The following ASIC2 variants were observed in gnomAD, a reference collection of about 807,000 sequenced individuals.
ASIC2 encodes acid sensing ion channel subunit 2, also known as acid-sensing ion channel 2.
A neutral mutation model predicts 57.3 loss-of-function variants in ASIC2; 25 were observed. That is an observed-to-expected ratio of 0.44 (90% CI 0.32 to 0.61). The LOEUF (loss-of-function observed/expected upper bound fraction) is 0.61. Ranked by LOEUF, ASIC2 falls within the 20% of genes least tolerant of loss-of-function variation. The pLI is 0.06. For synonymous variants in ASIC2, 319 were observed against 307.5 expected, an observed-to-expected ratio of 1.04 and a Z score of -0.39; for missense variants, 641 against 738.1, an observed-to-expected ratio of 0.87 and a Z score of 1.52.
chr17:33,476,402 G>A (rs1347728441), intron 1 of ASIC2, among the ~76,000 whole-genome samples: 3 of 151,450 alleles, frequency 2.0e-5, no homozygotes, highest in Non-Finnish European at 4.4e-5. Context: ...CTTCCTTATC[G>A]ATGGACATTT....
chr17:33,621,267 C>A (rs923769464), intron 1 of ASIC2, among the ~76,000 whole-genome samples: 1 of 152,146 alleles, frequency 6.6e-6, no homozygotes, highest in African/African-American at 2.4e-5. Context: ...GAGTCCAGAC[C>A]TTGTCTATTT....
chr17:34,114,157 A>G (rs1206983217), intron 1 of ASIC2, among the ~76,000 whole-genome samples: 1 of 152,194 alleles, frequency 6.6e-6, no homozygotes, highest in Admixed American at 6.5e-5. Context: ...TCTTAGATCA[A>G]GAAGAAATTG....
chr17:33,984,405 C>T (rs1389662311), intron 1 of ASIC2: 1 of 152,208 alleles, frequency 6.6e-6, no homozygotes, highest in Non-Finnish European at 1.5e-5. Flanking sequence ...ACACATATGC[C>T]CAGCAATTTC....
intron 1 of ASIC2, among the ~76,000 whole-genome samples, chr17:33,388,087 C>CAAAGG (rs1909754096): frequency 1.3e-5 from 1 of 74,526 alleles, no homozygotes; most frequent in African/African-American, 4.8e-5. Flanking sequence ...CTCAAAAAAA[C>CAAAGG]AAAGCAAAGC....
At chr17:34,011,814 C>T (rs1354564858) in intron 1 of ASIC2, among the ~76,000 whole-genome samples, 5 of 152,102 alleles carry the variant, frequency 3.3e-5, no homozygotes, top group Admixed American at 6.5e-5. Flanking sequence ...CACCACTCAC[C>T]CCACTCCCCG....
chr17:33,913,077 G>A (rs34912153), intron 1 of ASIC2, among the ~76,000 whole-genome samples: 12,048 of 148,330 alleles, frequency 0.081, 555 homozygotes, highest in Admixed American at 0.13. Flanking sequence ...TATCATTTTT[G>A]TAATAAATCC....
chr17:33,946,311 GTT>G (rs1567764783), intron 1 of ASIC2, among the ~76,000 whole-genome samples: 1 of 152,040 alleles, frequency 6.6e-6, no homozygotes, highest in Non-Finnish European at 1.5e-5. Context: ...GGGACAGGTT[GTT>G]GGGTCTGGGG....
chr17:33,874,741 G>T (rs1914509576), intron 1 of ASIC2, among the ~76,000 whole-genome samples: 3 of 152,196 alleles, frequency 2.0e-5, no homozygotes, highest in African/African-American at 7.2e-5. Context: ...GCTGGCCAGT[G>T]CTTCTCAATA....
chr17:33,562,191 A>C (rs1169920290), intron 1 of ASIC2, among the ~76,000 whole-genome samples: 1 of 150,902 alleles, frequency 6.6e-6, no homozygotes, highest in Non-Finnish European at 1.5e-5. Flanking sequence ...CTTTCTCTGC[A>C]CTTTCAAATT....
intron 1 of ASIC2, among the ~76,000 whole-genome samples, chr17:34,137,081 T>TC (rs1367376266): frequency 2.0e-5 from 3 of 152,236 alleles, no homozygotes; most frequent in African/African-American, 7.2e-5. Flanking sequence ...TCACTCTCGC[T>TC]CCCTCTGCAC....
At chr17:33,016,701 A>C (rs2091807528) in intron 8 of ASIC2, among the ~76,000 whole-genome samples, 1 of 152,024 alleles carries the variant, frequency 6.6e-6, no homozygotes, top group African/African-American at 2.4e-5. Context: ...GGTTCCGAGC[A>C]GCCTTTGGTC....
chr17:33,681,028 A>G (rs1033231442), intron 1 of ASIC2: 1 of 152,230 alleles, frequency 6.6e-6, no homozygotes, highest in Non-Finnish European at 1.5e-5. Context: ...GGAACCAACC[A>G]GATAGGGAGT....
chr17:33,757,079 G>A (rs1330035955), intron 1 of ASIC2, among the ~76,000 whole-genome samples: 3 of 152,174 alleles, frequency 2.0e-5, no homozygotes, highest in African/African-American at 4.8e-5. Flanking sequence ...GGAACAAGAG[G>A]ACACTAATGT....
chr17:33,509,743 A>G (rs1264146874), intron 1 of ASIC2, among the ~76,000 whole-genome samples: 1 of 152,214 alleles, frequency 6.6e-6, no homozygotes, highest in East Asian at 1.9e-4. Flanking sequence ...TAGGAAAAGA[A>G]TATTTCAGCA....
At position 33,699,387 on chromosome 17, in the gene ASIC2, G is replaced by A. The variant is rs1206140984; in HGVS notation, c.555+456591C>T. Among the ~76,000 whole-genome samples the A allele has an allele frequency of 9.9e-5, 15 of 152,236 alleles. No individual in the cohort carries two copies. The East Asian group carries it at 2.7e-3, about 27-fold the overall frequency. On this transcript the variant is annotated intron_variant, in intron 1 of 9. Coordinates refer to the ASIC2 transcript ENST00000359872. Reference sequence around the variant, plus strand: ...CTCCTTCCCCACTACTAACTGTCACGGGATGCCAGTCTGAGGCACCAAAGT... The same window carrying A: ...CTCCTTCCCCACTACTAACTGTCACAGGATGCCAGTCTGAGGCACCAAAGT...
intron 1 of ASIC2, among the ~76,000 whole-genome samples, chr17:33,268,404 T>G (rs891236287): frequency 6.6e-6 from 1 of 152,118 alleles, no homozygotes; most frequent in African/African-American, 2.4e-5. Flanking sequence ...TATACATTTA[T>G]CCATTCATCT....
At chr17:33,544,845 T>A (rs951761767) in intron 1 of ASIC2, among the ~76,000 whole-genome samples, 3 of 151,064 alleles carry the variant, frequency 2.0e-5, no homozygotes, top group Non-Finnish European at 4.4e-5. Flanking sequence ...ATCTTCTGAT[T>A]TTTTTTTTGA....
intron 1 of ASIC2, among the ~76,000 whole-genome samples, chr17:33,601,876 T>G (rs763323956): frequency 2.0e-5 from 3 of 152,258 alleles, no homozygotes; most frequent in Non-Finnish European, 4.4e-5. Flanking sequence ...GCTTTAAGAC[T>G]TCGTGTTTTC....
intron 1 of ASIC2, among the ~76,000 whole-genome samples, chr17:33,596,136 C>G (rs896316533): frequency 1.3e-5 from 2 of 152,180 alleles, no homozygotes; most frequent in Admixed American, 1.3e-4. Flanking sequence ...TCTTGGAGCT[C>G]TGAGCTTTTC....
Sources: allele counts gnomAD v4.1 joint callset (sites outside exome capture counted in the v4.1 genomes callset), GRCh38; gene constraint gnomAD v4.1.1; transcripts MANE v1.5; gene names NCBI Gene and HGNC (gene_info 2026-07-23, HGNC 2026-07-21).